The following VWF variants were observed in gnomAD, a reference collection of about 807,000 sequenced individuals.
The protein encoded by VWF is von Willebrand factor, also known as Factor VIII related antigen.
VWF carries 176 observed loss-of-function variants against 308.6 expected under a neutral mutation model. The ratio of observed to expected loss-of-function variants is 0.57; its 90% CI spans 0.50 to 0.65. VWF has a LOEUF of 0.65. Ranked by LOEUF, VWF falls within the 30% of genes least tolerant of loss-of-function variation. The pLI is 0.00. For synonymous variants in VWF, 1,385 were observed against 1,443.4 expected (o/e 0.96, Z 0.92); for missense variants, 3,146 against 3,648.2 (o/e 0.86, Z 3.55).
At chr12:5,998,283 G>C (rs1487990358) in intron 34 of VWF, among the ~76,000 whole-genome samples, 1 of 150,958 alleles carries the variant, frequency 6.6e-6, no homozygotes, top group Non-Finnish European at 1.5e-5. Context: ...CGGATCACAA[G>C]GTCAGGAGAT....
chr12:5,979,735 C>T (rs1221153076), intron 42 of VWF, among the ~76,000 whole-genome samples: 6 of 145,886 alleles, frequency 4.1e-5, no homozygotes, highest in Admixed American at 2.1e-4. Flanking sequence ...GGCCACAGAG[C>T]GACTCAAAAA....
chr12:6,101,087 A>T (rs931537626), intron 5 of VWF, among the ~76,000 whole-genome samples: 2 of 152,232 alleles, frequency 1.3e-5, no homozygotes, highest in Admixed American at 1.3e-4. Context: ...ACCTTCTAAA[A>T]TTACAAATAT....
rs574261750 is a variant in VWF, at chr12:6,075,055, T to G, written c.874+280A>C. On this transcript the variant is annotated intron_variant, in intron 7 of 51. Coordinates refer to ENST00000261405, the MANE Select transcript of VWF (RefSeq NM_000552.5). The surrounding 1 kb of genome is among the most constrained non-coding windows in gnomAD (Gnocchi z 4.7). Reference sequence around the variant, plus strand: ...TGGGAAGCAGAGAACACTGTGTGAGTGCAGGGGTCGGATTTCCTGAGGGAA... The same window carrying G: ...TGGGAAGCAGAGAACACTGTGTGAGGGCAGGGGTCGGATTTCCTGAGGGAA... Among the ~76,000 whole-genome samples the G allele has an allele frequency of 2.9e-3, 383 of 130,416 alleles. 1 individual carries two copies. The highest frequency in any genetic ancestry group is 0.011 in the African/African-American group (359 of 33,626). The allele number at this position is 130,416 out of a possible 152,430, so 85.6% of individuals were successfully genotyped here.
chr12:6,082,639 T>C (rs1326373192), intron 6 of VWF, among the ~76,000 whole-genome samples: 1 of 152,276 alleles, frequency 6.6e-6, no homozygotes, highest in Non-Finnish European at 1.5e-5. Context: ...AATGTTGCGC[T>C]GTAGCCAATC....
At chr12:6,010,695 G>C (rs1943983982) in intron 34 of VWF, among the ~76,000 whole-genome samples, 1 of 152,246 alleles carries the variant, frequency 6.6e-6, no homozygotes, top group Non-Finnish European at 1.5e-5. Context: ...ATGACATCGA[G>C]TAATTTCCAG....
chr12:6,004,227 A>G (rs1943903566), intron 34 of VWF, among the ~76,000 whole-genome samples: 1 of 152,212 alleles, frequency 6.6e-6, no homozygotes, highest in African/African-American at 2.4e-5. Flanking sequence ...ATCCAACACC[A>G]CATTATGAAA....
At position 6,019,136 on chromosome 12, in the gene VWF, T is replaced by C. The variant is rs762661828; in HGVS notation, c.4282A>G (p.Ile1428Val). Residue 1428 changes from isoleucine (I) to valine (V), a missense_variant, in exon 28 of 52, where the codon ATC becomes GTC. Physicochemically the swap from Ile to Val is conservative, Grantham distance 29. Coordinates refer to ENST00000261405, the MANE Select transcript of VWF (RefSeq NM_000552.5). This position sits in a 1 kb window ranked among gnomAD's most constrained non-coding sequence, Gnocchi z 5.8. ...TTGTTCTCAGGGGCCTGCTTCTCGA[T>C]GAGGCGGATCTGCTTGAGGTTGGCA... is the stretch of plus-strand genomic sequence containing the variant. The part of the protein sequence containing the change: ...PHANLKQIRL[I>V]EKQAPENKAF... 3.7e-6 allele frequency: 6 copies of C among 1,613,774 alleles called. No individual in the cohort carries two copies. Among genetic ancestry groups the C allele is most frequent in the African/African-American group, 2.7e-5 (2 of 74,892 alleles).
chr12:5,969,191 C>T lies in VWF; in HGVS notation c.7729+20G>A, dbSNP rs1334314408. ...AAAGGTGGTGCCCGGTCCAGCCCAG[C>T]CCCAGCCTGCATGCCTTACCACAGC... On this transcript the variant is annotated intron_variant, in intron 45 of 51. Coordinates refer to ENST00000261405, the MANE Select transcript of VWF (RefSeq NM_000552.5). 3.1e-6 allele frequency: 5 copies of T among 1,604,636 alleles called. No individual in the cohort carries two copies. The highest frequency in any genetic ancestry group is 4.3e-6 in the Non-Finnish European group (5 of 1,175,324).
At chr12:6,087,486 G>A (rs1341177727) in intron 6 of VWF, among the ~76,000 whole-genome samples, 2 of 146,808 alleles carry the variant, frequency 1.4e-5, no homozygotes, top group East Asian at 2.2e-4. Context: ...AGCCTCCCGA[G>A]TAGCTGGGAC....
At position 5,981,376 on chromosome 12, in the gene VWF, A is replaced by T. The variant is rs192428869; in HGVS notation, c.7287+410T>A. On this transcript the variant is annotated intron_variant, in intron 42 of 51. Transcript: ENST00000261405. Reference sequence around the variant, plus strand: ...AGACCTCATCTCAACATGTATGTATAACTATTAACTGATCTCTAAATAATC... The same window carrying T: ...AGACCTCATCTCAACATGTATGTATTACTATTAACTGATCTCTAAATAATC... Among the ~76,000 whole-genome samples the T allele has an allele frequency of 1.3e-3, 201 of 152,350 alleles. 2 individuals are homozygous for T. The highest frequency in any genetic ancestry group is 6.8e-3 in the Middle Eastern group (2 of 294).
chr12:6,122,994 C>G, intron 2 of VWF, 148 bp downstream of exon 2: 1 of 979,866 alleles, frequency 1.0e-6, no homozygotes, highest in Non-Finnish European at 1.7e-6. Context: ...GGTGGGAACT[C>G]CGCAGAACCT....
chr12:6,090,564 C>T (rs889103600), intron 6 of VWF, among the ~76,000 whole-genome samples: 8 of 152,078 alleles, frequency 5.3e-5, no homozygotes, highest in African/African-American at 1.7e-4. Flanking sequence ...GCGGAAAACA[C>T]GGGACAGTGG....
chr12:6,102,940 C>T (rs557265191), intron 5 of VWF, among the ~76,000 whole-genome samples: 6 of 152,164 alleles, frequency 3.9e-5, no homozygotes, highest in African/African-American at 1.4e-4. Context: ...CAATCCTGAA[C>T]AAAAAGAACA....
At chr12:6,003,564 G>C (rs1476417689) in intron 34 of VWF, among the ~76,000 whole-genome samples, 1 of 151,494 alleles carries the variant, frequency 6.6e-6, no homozygotes, top group Non-Finnish European at 1.5e-5. Flanking sequence ...GATGAACCTT[G>C]AAGACATTAT....
intron 43 of VWF, among the ~76,000 whole-genome samples, chr12:5,974,180 T>C (rs1468381165): frequency 6.6e-6 from 1 of 152,108 alleles, no homozygotes; most frequent in African/African-American, 2.4e-5. Flanking sequence ...AATACTACCC[T>C]CTTTGCAGAA....
chr12:5,953,464 G>GT (rs746503789), intron 48 of VWF, 32 bp downstream of exon 48: 1 of 1,589,598 alleles, frequency 6.3e-7, no homozygotes, highest in East Asian at 2.2e-5. Context: ...ATGGTGATAT[G>GT]TGAGGGAGCC....
intron 10 of VWF, among the ~76,000 whole-genome samples, 166 bp from the exon 11 acceptor site, chr12:6,065,439 G>C (rs1177849017): frequency 6.6e-6 from 1 of 152,220 alleles, no homozygotes; most frequent in Non-Finnish European, 1.5e-5. Flanking sequence ...TTCGGTTCCT[G>C]CTCCTAAAAC....
rs1944624246 is a variant in VWF at position 6,058,864 on chromosome 12, C to G, written c.1534-820G>C. On this transcript the variant is annotated intron_variant, in intron 13 of 51. Transcript: ENST00000261405. The surrounding 1 kb of genome is among the most constrained non-coding windows in gnomAD (Gnocchi z 4.9). ...CCAGCAGAGTGGAGCCCGCCCTTCC[C>G]CCACACAGCTGGGGGCATCTGCTGG... 6.6e-6 allele frequency among the ~76,000 whole-genome samples: 1 copy of G among 152,180 alleles called. No homozygotes were observed.
At chr12:5,989,659 G>A (rs1358481887) in intron 38 of VWF, among the ~76,000 whole-genome samples, 1 of 152,150 alleles carries the variant, frequency 6.6e-6, no homozygotes, top group East Asian at 1.9e-4. Flanking sequence ...CTGAAGATGA[G>A]GCGGGCAGTG....
Sources: allele counts gnomAD v4.1 joint callset (sites outside exome capture counted in the v4.1 genomes callset), GRCh38; gene constraint gnomAD v4.1.1; non-coding constraint Gnocchi (gnomAD v3.1); transcripts MANE v1.5; gene names NCBI Gene and HGNC (gene_info 2026-07-23, HGNC 2026-07-21).